Variants in WRN observed in about 807,000 individuals in gnomAD.
WRN encodes WRN RecQ like helicase.
A neutral mutation model predicts 180.7 loss-of-function variants in WRN; 149 were observed. That is an observed-to-expected ratio of 0.82 (90% CI 0.72 to 0.94). The LOEUF (loss-of-function observed/expected upper bound fraction) is 0.94. WRN is among the 40% of genes least tolerant of loss of function. WRN has a pLI of 0.00. For synonymous variants in WRN, 548 were observed against 568.9 expected (o/e 0.96, Z 0.52); for missense variants, 1,661 against 1,700.1 (o/e 0.98, Z 0.40).
At chr8:31,135,398 T>G (rs1802360516) in intron 24 of WRN, among the ~76,000 whole-genome samples, 1 of 152,132 alleles carries the variant, frequency 6.6e-6, no homozygotes, top group African/African-American at 2.4e-5. Flanking sequence ...TTCCACTAGT[T>G]ATTAAACATG....
chr8:31,113,574 A>C (rs1801402435), intron 19 of WRN, among the ~76,000 whole-genome samples: 1 of 152,008 alleles, frequency 6.6e-6, no homozygotes, highest in Non-Finnish European at 1.5e-5. Context: ...ATCTCCTCCT[A>C]ATCTTTGATC....
chr8:31,053,486 C>CT (rs902281867), intron 1 of WRN, among the ~76,000 whole-genome samples: 5 of 152,108 alleles, frequency 3.3e-5, no homozygotes, highest in African/African-American at 7.2e-5. Flanking sequence ...ATGCGGTGAG[C>CT]TATTTTATTA....
At chr8:31,164,857 T>G (rs1803787033) in intron 33 of WRN, among the ~76,000 whole-genome samples, 1 of 152,164 alleles carries the variant, frequency 6.6e-6, no homozygotes, top group Non-Finnish European at 1.5e-5. Context: ...TTTCAGCACT[T>G]ATTTACATGG....
rs143586675 is a variant in WRN at position 31,175,991 on chromosome 8, AT to A, written c.*2898del. Among the ~76,000 whole-genome samples, 4,040 of 151,754 alleles carry A rather than the reference AT, an allele frequency of 0.027. 159 individuals carry two copies. Among genetic ancestry groups the A allele is most frequent in the African/African-American group, 0.09 (3,709 of 41,384 alleles). Reference sequence around the variant, plus strand: ...TAAAAGCTCTTTGGGGTCCTCAGTGATTTTTTTTTAAGAGTATGGAAGGGTT... The same window carrying A: ...TAAAAGCTCTTTGGGGTCCTCAGTGATTTTTTTTAAGAGTATGGAAGGGTT... On this transcript the variant is annotated 3_prime_UTR_variant, in exon 35 of 35. Transcript: ENST00000298139.
chr8:31,048,523 A>G lies in WRN; in HGVS notation c.-76-9849A>G, dbSNP rs182347964. 5.0e-4 allele frequency among the ~76,000 whole-genome samples: 76 copies of G among 152,316 alleles called. 1 individual carries two copies. The highest frequency in any genetic ancestry group is 7.1e-4 in the Non-Finnish European group (48 of 68,024). ...CTAGATACACAATCTGTGTGTGTGT[A>G]TATATATGCTTGTGTGTGTATAAAT... On this transcript the variant is annotated intron_variant, in intron 1 of 34. Coordinates refer to ENST00000298139, the MANE Select transcript of WRN (RefSeq NM_000553.6).
rs1189180059 is a variant in WRN, at chr8:31,081,014, A to G, written c.987A>G (p.Gln329=). ...AAGATTCAACTACTGGGGGAGTACA[A>G]CAGAAACAAATTAGAGAACATGAAG... ...SFEDSTTGGV[Q]QKQIREHEVL... is the part of the protein sequence containing the mutation. The change falls in exon 9 of 35, where the codon CAA becomes CAG. Residue 329 remains glutamine (Q), a synonymous_variant. Transcript: ENST00000298139. 1.2e-6 allele frequency: 2 copies of G among 1,614,078 alleles called. No individual in the cohort carries two copies. The highest frequency in any genetic ancestry group is 1.7e-6 in the Non-Finnish European group (2 of 1,179,970).
chr8:31,061,527 A>ATT (rs5890548), intron 3 of WRN, among the ~76,000 whole-genome samples: 56 of 144,924 alleles, frequency 3.9e-4, no homozygotes, highest in South Asian at 2.0e-3. Context: ...ACAGCTGTTA[A>ATT]TTTTTTTTTT....
At chr8:31,087,627 A>G (rs1043144786) in intron 11 of WRN, 149 bp from the exon 12 acceptor site, 1 of 722,290 alleles carries the variant, frequency 1.4e-6, no homozygotes, top group Non-Finnish European at 2.4e-6. Context: ...TTTAAACCGG[A>G]GCACACATGT....
At chr8:31,073,330 G>T (rs781385628) in intron 7 of WRN, among the ~76,000 whole-genome samples, 1 of 152,144 alleles carries the variant, frequency 6.6e-6, no homozygotes, top group Non-Finnish European at 1.5e-5. Flanking sequence ...TATTGTGAAG[G>T]ATTTGCTGAT....
chr8:31,116,477 T>A lies in WRN; in HGVS notation c.2397T>A (p.Ser799Arg). The change falls in exon 20 of 35, where the codon AGT (serine) becomes AGA (arginine). Residue 799 changes from serine to arginine, a missense_variant. Around this residue, in one of 3 missense-constraint regions of WRN, gnomAD observed 1,141 missense variants for 1,149.4 expected, o/e 0.99. Coordinates refer to ENST00000298139, the MANE Select transcript of WRN (RefSeq NM_000553.6). ...LSCGTYHAGM[S>R]FSTRKDIHHR... ...GTGGAACATACCATGCGGGCATGAG[T>A]TTTAGCACAAGGAAAGACATTCATC... is the stretch of plus-strand genomic sequence containing the variant. 6.2e-7 allele frequency: 1 copy of A among 1,613,934 alleles called. No homozygotes were observed. The highest frequency in any genetic ancestry group is 8.5e-7 in the Non-Finnish European group (1 of 1,179,914).
intron 1 of WRN, among the ~76,000 whole-genome samples, chr8:31,040,403 A>G (rs900478682): frequency 1.3e-5 from 2 of 152,046 alleles, no homozygotes; most frequent in African/African-American, 4.8e-5. Flanking sequence ...GAGGGAGAAG[A>G]GTAGAGGTCT....
chr8:31,137,413 T>C (rs193206892), intron 24 of WRN, among the ~76,000 whole-genome samples: 2 of 152,198 alleles, frequency 1.3e-5, no homozygotes, highest in Admixed American at 1.3e-4. Context: ...AGTTATTAGT[T>C]TGCAAGCAAT....
At chr8:31,168,933 A>G (rs1804000159) in intron 34 of WRN, among the ~76,000 whole-genome samples, 1 of 152,208 alleles carries the variant, frequency 6.6e-6, no homozygotes, top group African/African-American at 2.4e-5. Flanking sequence ...ATGTCTTGGC[A>G]TTGATAATTC....
intron 1 of WRN, among the ~76,000 whole-genome samples, chr8:31,047,803 T>C (rs1177648296): frequency 6.6e-6 from 1 of 152,218 alleles, no homozygotes; most frequent in Non-Finnish European, 1.5e-5. Context: ...TGACTGGCTA[T>C]AGCTACTTAG....
intron 23 of WRN, among the ~76,000 whole-genome samples, chr8:31,127,488 A>G (rs981102276): frequency 6.6e-6 from 1 of 152,214 alleles, no homozygotes; most frequent in Non-Finnish European, 1.5e-5. Context: ...TAGCTGCGTT[A>G]CTGTAAGACA....
intron 11 of WRN, among the ~76,000 whole-genome samples, chr8:31,086,130 T>TA (rs1309327974): frequency 2.6e-5 from 4 of 152,176 alleles, no homozygotes; most frequent in Non-Finnish European, 5.9e-5. Flanking sequence ...CTAAATTAAG[T>TA]AAAAAATGAA....
chr8:31,054,564 C>T (rs1215287740), intron 1 of WRN, among the ~76,000 whole-genome samples: 7 of 151,836 alleles, frequency 4.6e-5, no homozygotes, highest in Non-Finnish European at 1.0e-4. Context: ...AACAAAAATT[C>T]CAGACAGCCT....
intron 7 of WRN, among the ~76,000 whole-genome samples, chr8:31,070,763 G>A (rs984717732): frequency 2.0e-5 from 3 of 152,136 alleles, no homozygotes; most frequent in African/African-American, 7.2e-5. Context: ...AGTTAGCTAA[G>A]GCCAGGTGCA....
In WRN at chr8:31,101,592, G is replaced by A. The variant is rs192139837; in HGVS notation, c.2088+637G>A. Among the ~76,000 whole-genome samples, 699 of 152,044 alleles carry A rather than the reference G, an allele frequency of 4.6e-3. 6 individuals carry two copies. Among genetic ancestry groups the A allele is most frequent in the African/African-American group, 0.015 (636 of 41,482 alleles). Reference sequence around the variant, plus strand: ...ACCTGAGGTCAGGAGTTCGAGACCAGCCTGGTCAACATGGTGAAACCCTGT... The same window carrying A: ...ACCTGAGGTCAGGAGTTCGAGACCAACCTGGTCAACATGGTGAAACCCTGT... On this transcript the variant is annotated intron_variant, in intron 18 of 34. Transcript: ENST00000298139.
Sources: gnomAD v4.1 joint callset for allele counts (sites outside exome capture counted in the v4.1 genomes callset) on GRCh38, gnomAD v4.1.1 for gene constraint, gnomAD v4.1.1 regional missense constraint, MANE v1.5 for transcripts, NCBI Gene and HGNC (gene_info 2026-07-23, HGNC 2026-07-21) for gene names.